Variants in CHMP4C observed in about 807,000 individuals in gnomAD.
CHMP4C encodes the protein SNF7 homolog associated with Alix 3.
In CHMP4C, 28 loss-of-function variants were observed where a neutral mutation model predicts 29.0. The ratio of observed to expected loss-of-function variants is 0.97; its 90% CI spans 0.72 to 1.32. The LOEUF is 1.32. Among genes scored for constraint, CHMP4C ranks in the 40% most tolerant of loss-of-function variants. The probability of loss-of-function intolerance (pLI) is 0.00; values close to 1 mark genes in which losing one functional copy is unlikely to be tolerated. For missense variants in CHMP4C, 291 were observed against 281.0 expected (o/e 1.04, Z -0.25); for synonymous variants, 106 against 102.4 (o/e 1.04, Z -0.21).
chr8:81,758,572 T>G lies in CHMP4C; in HGVS notation c.*28T>G. 7.2e-7 allele frequency: 1 copy of G among 1,381,200 alleles called. No homozygotes were observed. 85.6% of individuals were successfully genotyped at this position (1,381,200 alleles called of 1,614,324 possible). ...TAAAACACATTTTTGATACCTAAAT[T>G]AATGAGCTATAGATAAAATATAAAA... On this transcript the variant is annotated 3_prime_UTR_variant, in exon 5 of 5. Transcript: ENST00000297265.
At chr8:81,745,186 C>T (rs914632835) in intron 1 of CHMP4C, among the ~76,000 whole-genome samples, 1 of 152,136 alleles carries the variant, frequency 6.6e-6, no homozygotes, top group Admixed American at 6.6e-5. Context: ...AACATGACCA[C>T]GAGCCTTCCC....
Position 81,732,819 on chromosome 8 carries a change from A to G in CHMP4C, c.190+3A>G, listed in dbSNP as rs753317281. 1.2e-6 allele frequency: 2 copies of G among 1,610,768 alleles called. No homozygotes were observed. The highest frequency in any genetic ancestry group is 1.1e-5 in the South Asian group (1 of 90,210). ...GCACGGCACGCAGAATAAGCGAGGT[A>G]GGCTGGGGTCTGGCCCACAGGCGGG... On this transcript the variant is annotated splice_donor_region_variant and intron_variant, in intron 1 of 4. Coordinates refer to ENST00000297265, the MANE Select transcript of CHMP4C (RefSeq NM_152284.4).
rs372923421 is a variant in CHMP4C at position 81,732,744 on chromosome 8, C to G, written c.118C>G (p.Gln40Glu). 52 of 1,609,280 alleles carry G rather than the reference C, an allele frequency of 3.2e-5. No individual in the cohort carries two copies. The highest frequency in any genetic ancestry group is 4.3e-5 in the Non-Finnish European group (51 of 1,178,010). The change falls in exon 1 of 5, where the codon CAA becomes GAA. Residue 40 changes from glutamine to glutamate, a missense_variant. Physicochemically the swap from Gln to Glu is conservative, Grantham distance 29 (BLOSUM62 2). Coordinates refer to ENST00000297265, the MANE Select transcript of CHMP4C (RefSeq NM_152284.4). ...RETEEMLGKKQEYLENRIQRE... is the reference protein window; with the variant it reads ...RETEEMLGKKEEYLENRIQRE... ...GACTGAGGAGATGCTGGGCAAGAAA[C>G]AAGAGTACCTGGAAAATCGAATCCA...
chr8:81,748,008 C>T (rs528898364), intron 1 of CHMP4C, among the ~76,000 whole-genome samples: 31 of 152,236 alleles, frequency 2.0e-4, no homozygotes, highest in African/African-American at 6.7e-4. Flanking sequence ...TCTGCAATCT[C>T]GACCATAAAA....
chr8:81,745,837 C>CTTAAGAAGGTTGT (rs1808817059), intron 1 of CHMP4C, among the ~76,000 whole-genome samples: 1 of 152,166 alleles, frequency 6.6e-6, no homozygotes, highest in Non-Finnish European at 1.5e-5. Context: ...TTGTCCAGGT[C>CTTAAGAAGGTTGT]TCATCAGCTG....
At chr8:81,743,806 A>T (rs1311456426) in intron 1 of CHMP4C, among the ~76,000 whole-genome samples, 1 of 152,176 alleles carries the variant, frequency 6.6e-6, no homozygotes, top group Non-Finnish European at 1.5e-5. Context: ...TCTTTAGAAT[A>T]AGGAGCATCA....
At chr8:81,744,795 G>T (rs1042619578) in intron 1 of CHMP4C, among the ~76,000 whole-genome samples, 1 of 152,304 alleles carries the variant, frequency 6.6e-6, no homozygotes, top group African/African-American at 2.4e-5. Context: ...TGAGACTGGA[G>T]CCTTATTTCT....
chr8:81,753,975 T>C (rs1808941521), intron 2 of CHMP4C, among the ~76,000 whole-genome samples: 1 of 152,050 alleles, frequency 6.6e-6, no homozygotes, highest in African/African-American at 2.4e-5. Flanking sequence ...CTGGGAAATA[T>C]GTCTGGGACC....
chr8:81,743,423 G>T (rs1808787378), intron 1 of CHMP4C, among the ~76,000 whole-genome samples: 1 of 151,702 alleles, frequency 6.6e-6, no homozygotes, highest in Admixed American at 6.6e-5. Flanking sequence ...AACAATTTGT[G>T]GGGTTATTAA....
chr8:81,758,176 A>G lies in CHMP4C; in HGVS notation c.518A>G (p.Gln173Arg). The G allele has an allele frequency of 6.2e-7, 1 of 1,613,934 alleles. No individual in the cohort carries two copies. The highest frequency in any genetic ancestry group is 8.5e-7 in the Non-Finnish European group (1 of 1,179,898). The change falls in exon 4 of 5, where the codon CAG becomes CGG. Residue 173 changes from glutamine to arginine, a missense_variant. Gln to Arg is a conservative substitution (Grantham distance 43). Transcript: ENST00000297265. ...ELMAELEELE[Q>R]EELNKKMTNI... is the part of the protein sequence containing the mutation. ...ATGGCAGAACTTGAAGAATTGGAAC[A>G]GGAGGAATTAAATAAGAAGATGACA...
At chr8:81,734,352 CAG>C (rs1471134337) in intron 1 of CHMP4C, among the ~76,000 whole-genome samples, 1 of 152,168 alleles carries the variant, frequency 6.6e-6, no homozygotes, top group South Asian at 2.1e-4. Flanking sequence ...TGTTTTGAGA[CAG>C]AGTTTCACTC....
chr8:81,747,914 C>A (rs559817668), intron 1 of CHMP4C, among the ~76,000 whole-genome samples: 45 of 152,230 alleles, frequency 3.0e-4, no homozygotes, highest in Middle Eastern at 3.4e-3. Context: ...TGAGATCAAC[C>A]GGTCTGACCA....
chr8:81,747,466 G>T (rs1217909851), intron 1 of CHMP4C, among the ~76,000 whole-genome samples: 1 of 152,080 alleles, frequency 6.6e-6, no homozygotes, highest in Non-Finnish European at 1.5e-5. Context: ...CCACTTCCGG[G>T]TATGTTGGGT....
At chr8:81,742,801 T>C (rs1469564720) in intron 1 of CHMP4C, among the ~76,000 whole-genome samples, 2 of 152,278 alleles carry the variant, frequency 1.3e-5, no homozygotes, top group African/African-American at 2.4e-5. Context: ...GAAAAAAAAT[T>C]ATGATTATGG....
chr8:81,752,337 A>C (rs1193888037), intron 1 of CHMP4C, among the ~76,000 whole-genome samples: 1 of 152,122 alleles, frequency 6.6e-6, no homozygotes, highest in African/African-American at 2.4e-5. Context: ...TGCCACAGTC[A>C]AGAGGGCTCT....
rs1808631467 is a variant in CHMP4C, at chr8:81,732,575, G to A, written c.-52G>A. On this transcript the variant is annotated 5_prime_UTR_variant, in exon 1 of 5. Transcript: ENST00000297265. Reference sequence around the variant, plus strand: ...TCACCTGTCCCCTCGGCGCGGCCCCGGGGAGCTCCCGAGAGGCCCCCGGGA... The same window carrying A: ...TCACCTGTCCCCTCGGCGCGGCCCCAGGGAGCTCCCGAGAGGCCCCCGGGA... 2 of 1,428,982 alleles carry A rather than the reference G, an allele frequency of 1.4e-6. No homozygotes were observed. The highest frequency in any genetic ancestry group is 2.8e-5 in the South Asian group (2 of 72,600). The allele number at this position is 1,428,982 out of a possible 1,614,324, so 88.5% of individuals were successfully genotyped here. A position where few individuals can be genotyped will look rare whatever the true frequency, so the allele number is the denominator to read the frequency against.
chr8:81,756,013 T>A (rs1484608470), intron 3 of CHMP4C, among the ~76,000 whole-genome samples: 5 of 152,172 alleles, frequency 3.3e-5, no homozygotes, highest in African/African-American at 1.2e-4. Context: ...ACTGTGAATT[T>A]CAATTGTTCT....
chr8:81,741,114 C>T (rs1178535236), intron 1 of CHMP4C, among the ~76,000 whole-genome samples: 1 of 152,094 alleles, frequency 6.6e-6, no homozygotes, highest in African/African-American at 2.4e-5. Flanking sequence ...ATTGTAGCAA[C>T]TTCTAGAAGA....
At chr8:81,736,562 G>T (rs1244061418) in intron 1 of CHMP4C, among the ~76,000 whole-genome samples, 1 of 152,112 alleles carries the variant, frequency 6.6e-6, no homozygotes, top group Non-Finnish European at 1.5e-5. Context: ...AATCTACTAG[G>T]TGTGTAATTA....
Sources: gnomAD v4.1 joint callset for allele counts (sites outside exome capture counted in the v4.1 genomes callset) on GRCh38, gnomAD v4.1.1 for gene constraint, MANE v1.5 for transcripts, NCBI Gene and HGNC (gene_info 2026-07-23, HGNC 2026-07-21) for gene names.